Variants in CNTNAP3B observed in about 807,000 individuals in gnomAD.
CNTNAP3B encodes contactin associated protein family member 3B, also known as contactin-associated protein-like 3B.
Under a neutral mutation model 108.9 loss-of-function variants are expected in CNTNAP3B, and 25 were observed. The ratio of observed to expected loss-of-function variants is 0.23; its 90% CI spans 0.17 to 0.32. The LOEUF (loss-of-function observed/expected upper bound fraction) is 0.32. Among genes scored for constraint, CNTNAP3B ranks in the 10% least tolerant of loss-of-function variants. The pLI, the probability that CNTNAP3B is intolerant of heterozygous loss-of-function variation, is 1.00. For missense variants in CNTNAP3B, 252 were observed against 1,210.4 expected (o/e 0.21, Z 11.75); for synonymous variants, 103 against 473.4 (o/e 0.22, Z 10.16).
intron 1 of CNTNAP3B, among the ~76,000 whole-genome samples, chr9:42,106,395 C>A (rs1828090054): frequency 1.1e-5 from 1 of 90,370 alleles, no homozygotes; most frequent in African/African-American, 4.3e-5. Context: ...ATACAAAGAG[C>A]AGCATAATCT....
At chr9:42,115,217 C>T (rs936401772) in intron 1 of CNTNAP3B, among the ~76,000 whole-genome samples, 2 of 138,200 alleles carry the variant, frequency 1.4e-5, no homozygotes, top group Non-Finnish European at 3.1e-5. Context: ...AAGCTGCACT[C>T]TTTTGACAAA....
chr9:42,053,321 G>C lies in CNTNAP3B; in HGVS notation c.390+23548C>G, dbSNP rs1826992888. On this transcript the variant is annotated intron_variant, in intron 3 of 23. Transcript: ENST00000377561. ...CAATAATATTCTGAATGTAAAGATA[G>C]CCTAAATGACATGTTTTAGCCAGTG... 1.6e-5 allele frequency among the ~76,000 whole-genome samples: 2 copies of C among 122,612 alleles called. 1 individual carries two copies. The highest frequency in any genetic ancestry group is 3.4e-5 in the Non-Finnish European group (2 of 58,450). The allele number at this position is 122,612 out of a possible 152,430, so 80.4% of individuals were successfully genotyped here.
At chr9:42,010,488 A>G (rs1826113927) in intron 4 of CNTNAP3B, among the ~76,000 whole-genome samples, 1 of 138,856 alleles carries the variant, frequency 7.2e-6, no homozygotes, top group South Asian at 2.3e-4. Context: ...AGATTCTGGG[A>G]GTTCCCCTTT....
At chr9:42,078,298 T>C (rs1827533131) in intron 2 of CNTNAP3B, among the ~76,000 whole-genome samples, 1 of 111,202 alleles carries the variant, frequency 9.0e-6, no homozygotes, top group African/African-American at 3.5e-5. Context: ...ATTAGGCACC[T>C]ATTTGAATTG....
Position 41,947,740 on chromosome 9 carries a change from A to G in CNTNAP3B, c.2080+5443T>C, listed in dbSNP as rs1457607596. ...TAATAGAGAAAATCAAGAAACGAAA[A>G]TCTAGTTCTAAAAAACAGTAAGATT... On this transcript the variant is annotated intron_variant, in intron 13 of 23. Coordinates refer to ENST00000377561, the MANE Select transcript of CNTNAP3B (RefSeq NM_001201380.3). Among the ~76,000 whole-genome samples the G allele has an allele frequency of 4.6e-5, 7 of 152,162 alleles. No homozygotes were observed. The South Asian group carries it at 1.2e-3, about 27-fold the overall frequency.
intron 3 of CNTNAP3B, among the ~76,000 whole-genome samples, chr9:42,018,636 T>C (rs1324109995): frequency 6.6e-6 from 1 of 151,610 alleles, no homozygotes; most frequent in Non-Finnish European, 1.5e-5. Context: ...CAGACAGGAC[T>C]GTGAGGCCAC....
intron 4 of CNTNAP3B, among the ~76,000 whole-genome samples, chr9:42,010,393 A>G (rs1395824123): frequency 6.7e-6 from 1 of 149,128 alleles, no homozygotes. Flanking sequence ...TGTAATTTGG[A>G]GGGAAGAATA....
chr9:41,969,012 G>C (rs1175759211), intron 10 of CNTNAP3B, among the ~76,000 whole-genome samples: 8 of 152,288 alleles, frequency 5.3e-5, no homozygotes, highest in Non-Finnish European at 1.2e-4. Flanking sequence ...TAGCCAGGAT[G>C]GTCTCGATCT....
chr9:42,120,843 G>T, intron 1 of CNTNAP3B, among the ~76,000 whole-genome samples: 1 of 89,250 alleles, frequency 1.1e-5, no homozygotes, highest in East Asian at 4.4e-4. Flanking sequence ...GAGGGGGGAG[G>T]GATAGCATTA....
intron 12 of CNTNAP3B, among the ~76,000 whole-genome samples, chr9:41,955,908 A>G (rs1306990029): frequency 1.3e-5 from 2 of 152,256 alleles, no homozygotes; most frequent in Non-Finnish European, 2.9e-5. Context: ...TAAATTAAAA[A>G]TGCATTTTAA....
intron 15 of CNTNAP3B, among the ~76,000 whole-genome samples, chr9:41,925,675 A>G (rs1375384788): frequency 3.3e-5 from 5 of 152,302 alleles, no homozygotes; most frequent in Admixed American, 3.3e-4. Flanking sequence ...CCATTTGTTT[A>G]TTCACGTCAC....
chr9:42,056,351 T>G (rs1270038099), intron 3 of CNTNAP3B, among the ~76,000 whole-genome samples: 1 of 139,344 alleles, frequency 7.2e-6, no homozygotes. Context: ...ATTATTATTA[T>G]TATTATTATT....
At chr9:42,021,714 C>T (rs897562156) in intron 3 of CNTNAP3B, among the ~76,000 whole-genome samples, 1 of 107,686 alleles carries the variant, frequency 9.3e-6, no homozygotes, top group Non-Finnish European at 1.8e-5. Flanking sequence ...GTGGCTTATC[C>T]GGCAGTGTGC....
intron 13 of CNTNAP3B, among the ~76,000 whole-genome samples, chr9:41,943,782 A>G (rs1216934114): frequency 6.6e-6 from 1 of 152,272 alleles, no homozygotes; most frequent in Non-Finnish European, 1.5e-5. Context: ...AAAATTAATG[A>G]CAGACATGAA....
chr9:41,986,891 CTG>C (rs1229169793), intron 8 of CNTNAP3B, among the ~76,000 whole-genome samples: 3 of 133,952 alleles, frequency 2.2e-5, no homozygotes, highest in African/African-American at 9.1e-5. Flanking sequence ...GCCCTGTAAA[CTG>C]TAGAAAACTG....
At chr9:42,086,547 C>T (rs1320225398) in intron 2 of CNTNAP3B, among the ~76,000 whole-genome samples, 6 of 125,624 alleles carry the variant, frequency 4.8e-5, no homozygotes, top group Non-Finnish European at 1.6e-5. Context: ...CAGGTTCAAG[C>T]GATTCTCCTG....
chr9:42,041,958 C>T (rs1369416479), intron 3 of CNTNAP3B, among the ~76,000 whole-genome samples: 1 of 129,306 alleles, frequency 7.7e-6, no homozygotes, highest in African/African-American at 3.1e-5. Context: ...AAGCTGGAAA[C>T]CATCATTCTG....
intron 8 of CNTNAP3B, among the ~76,000 whole-genome samples, chr9:41,990,715 A>G (rs1162960287): frequency 7.4e-6 from 1 of 135,686 alleles, no homozygotes; most frequent in African/African-American, 2.9e-5. Flanking sequence ...TTTAGGCACA[A>G]TGTCAATTTA....
chr9:42,049,335 A>G lies in CNTNAP3B; in HGVS notation c.390+27534T>C, dbSNP rs1587230389. Among the ~76,000 whole-genome samples the G allele has an allele frequency of 4.3e-5, 6 of 139,638 alleles. 2 individuals carry two copies. Among genetic ancestry groups the G allele is most frequent in the Non-Finnish European group, 6.1e-5 (4 of 65,050 alleles). 91.6% of individuals were successfully genotyped at this position (139,638 alleles called of 152,430 possible). A position where few individuals can be genotyped will look rare whatever the true frequency, so the allele number is the denominator to read the frequency against. On this transcript the variant is annotated intron_variant, in intron 3 of 23. Coordinates refer to ENST00000377561, the MANE Select transcript of CNTNAP3B (RefSeq NM_001201380.3). Reference sequence around the variant, plus strand: ...ATGCTGACTCTTTCTGATTTTCATTATCAGCCTCTCTTGATCTAACTGTCC... The same window carrying G: ...ATGCTGACTCTTTCTGATTTTCATTGTCAGCCTCTCTTGATCTAACTGTCC...
Sources: gnomAD v4.1 joint callset for allele counts (sites outside exome capture counted in the v4.1 genomes callset) on GRCh38, gnomAD v4.1.1 for gene constraint, MANE v1.5 for transcripts, NCBI Gene and HGNC (gene_info 2026-07-23, HGNC 2026-07-21) for gene names.